Variants in RANBP17 observed in about 807,000 individuals in gnomAD.
RANBP17 encodes ran-binding protein 17.
In RANBP17, 158 loss-of-function variants were observed where a neutral mutation model predicts 141.2. The observed-to-expected ratio is 1.12, with a 90% CI of 0.98 to 1.28. The LOEUF (loss-of-function observed/expected upper bound fraction) is 1.28, where lower values mean the gene tolerates loss of function less well. Among genes scored for constraint, RANBP17 ranks in the 50% most tolerant of loss-of-function variants. The pLI is 0.00. For synonymous variants in RANBP17, 430 were observed against 450.0 expected (o/e 0.96, Z 0.56); for missense variants, 1,438 against 1,290.7 (o/e 1.11, Z -1.75).
intron 18 of RANBP17, among the ~76,000 whole-genome samples, chr5:171,192,637 A>T (rs989281839): frequency 2.2e-4 from 34 of 152,304 alleles, no homozygotes; most frequent in African/African-American, 8.2e-4. Flanking sequence ...GCCTAGAGCA[A>T]TTCCTATCAC....
At chr5:171,081,077 G>A (rs549327754) in intron 14 of RANBP17, among the ~76,000 whole-genome samples, 12 of 152,240 alleles carry the variant, frequency 7.9e-5, no homozygotes, top group East Asian at 3.9e-4. Context: ...CTCTAAGTTC[G>A]TCTGACTAGT....
At chr5:170,932,620 G>A (rs937555001) in intron 12 of RANBP17, among the ~76,000 whole-genome samples, 1 of 151,992 alleles carries the variant, frequency 6.6e-6, no homozygotes, top group African/African-American at 2.4e-5. Flanking sequence ...TAGCATGAAG[G>A]GCTGTTGAAT....
intron 14 of RANBP17, among the ~76,000 whole-genome samples, chr5:171,011,069 A>G (rs916684598): frequency 6.6e-6 from 1 of 152,100 alleles, no homozygotes; most frequent in Non-Finnish European, 1.5e-5. Flanking sequence ...GTCTAATCTA[A>G]CTAATACAAA....
At chr5:171,113,613 A>G (rs1755403445) in intron 14 of RANBP17, among the ~76,000 whole-genome samples, 1 of 152,158 alleles carries the variant, frequency 6.6e-6, no homozygotes, top group Admixed American at 6.6e-5. Flanking sequence ...AGATAAGGAA[A>G]TTGAGTCCTA....
intron 27 of RANBP17, among the ~76,000 whole-genome samples, chr5:171,298,294 G>GC (rs1232879565): frequency 3.3e-5 from 5 of 152,136 alleles, no homozygotes; most frequent in Non-Finnish European, 4.4e-5. Flanking sequence ...CTAACCCAGT[G>GC]CCCCCTCTTT....
intron 24 of RANBP17, among the ~76,000 whole-genome samples, chr5:171,263,343 TG>T (rs1257390289): frequency 1.3e-5 from 2 of 152,216 alleles, no homozygotes; most frequent in African/African-American, 4.8e-5. Context: ...CATGTGCAAA[TG>T]TTGTCAGCCA....
At chr5:171,203,989 G>A (rs1383254916) in intron 19 of RANBP17, among the ~76,000 whole-genome samples, 1 of 152,142 alleles carries the variant, frequency 6.6e-6, no homozygotes, top group African/African-American at 2.4e-5. Flanking sequence ...TTCCAGGAGT[G>A]TGAAAAGCTG....
intron 5 of RANBP17, chr5:170,896,965 G>A (rs1041279910): frequency 1.1e-5 from 11 of 1,013,422 alleles, no homozygotes; most frequent in East Asian, 3.0e-5. Context: ...TGGCCAGTGC[G>A]AAAACCAGAT....
At chr5:170,999,114 A>G (rs1432725531) in intron 14 of RANBP17, among the ~76,000 whole-genome samples, 1 of 152,054 alleles carries the variant, frequency 6.6e-6, no homozygotes, top group Non-Finnish European at 1.5e-5. Flanking sequence ...TTCCTGATGT[A>G]ATGATTTTAG....
chr5:171,275,446 G>T (rs1473568944), intron 25 of RANBP17, among the ~76,000 whole-genome samples: 2 of 152,082 alleles, frequency 1.3e-5, no homozygotes, highest in African/African-American at 4.8e-5. Context: ...CATTCTTCCT[G>T]TACATAATTA....
At chr5:171,021,446 A>T (rs554315775) in intron 14 of RANBP17, among the ~76,000 whole-genome samples, 1 of 152,054 alleles carries the variant, frequency 6.6e-6, no homozygotes, top group Non-Finnish European at 1.5e-5. Flanking sequence ...ATAGTCCCAT[A>T]TTTCTTGGAG....
intron 25 of RANBP17, among the ~76,000 whole-genome samples, chr5:171,288,502 C>T (rs920086078): frequency 9.9e-5 from 15 of 152,226 alleles, no homozygotes; most frequent in Non-Finnish European, 1.8e-4. Flanking sequence ...CAGTGGCAGC[C>T]AGCAGACTGG....
chr5:171,274,147 T>TGC (rs1491523668), intron 25 of RANBP17, among the ~76,000 whole-genome samples: 1,300 of 122,900 alleles, frequency 0.011, 9 homozygotes, highest in Middle Eastern at 0.024. Flanking sequence ...TGTGTGTGTG[T>TGC]GTGCGCGCGC....
At chr5:171,248,629 C>T (rs1356458512) in intron 24 of RANBP17, among the ~76,000 whole-genome samples, 3 of 152,188 alleles carry the variant, frequency 2.0e-5, no homozygotes, top group Admixed American at 6.5e-5. Context: ...TTGCACCAGC[C>T]AGGGAACTGG....
At chr5:170,940,026 A>G (rs1774201971) in intron 12 of RANBP17, among the ~76,000 whole-genome samples, 1 of 152,244 alleles carries the variant, frequency 6.6e-6, no homozygotes, top group Non-Finnish European at 1.5e-5. Context: ...AGACAATAAA[A>G]AAATGGTAGG....
chr5:171,186,122 C>A (rs1262210588), intron 18 of RANBP17, among the ~76,000 whole-genome samples: 2 of 152,140 alleles, frequency 1.3e-5, no homozygotes, highest in African/African-American at 4.8e-5. Flanking sequence ...TTCAAGTCAC[C>A]ATCAGCATTA....
In RANBP17 at chr5:171,196,589, A is replaced by G. The variant is rs933151071; in HGVS notation, c.2039-3081A>G. On this transcript the variant is annotated intron_variant, in intron 18 of 27. Transcript: ENST00000523189. ...AGTCCATGTTAGACTCAAGACAACAATAGTGCTAATGGCTGTCATTTATTA... is the reference window on the plus strand; with the variant it reads ...AGTCCATGTTAGACTCAAGACAACAGTAGTGCTAATGGCTGTCATTTATTA... Among the ~76,000 whole-genome samples the G allele has an allele frequency of 2.0e-5, 3 of 152,184 alleles. No individual in the cohort carries two copies. The East Asian group carries it at 5.8e-4, about 29-fold the overall frequency.
intron 25 of RANBP17, among the ~76,000 whole-genome samples, chr5:171,290,180 A>G (rs939988718): frequency 1.3e-5 from 2 of 152,162 alleles, no homozygotes; most frequent in East Asian, 3.9e-4. Context: ...CAGCCTGACC[A>G]ACATGGTGAA....
At chr5:171,079,124 A>AT (rs1785111195) in intron 14 of RANBP17, among the ~76,000 whole-genome samples, 1 of 152,176 alleles carries the variant, frequency 6.6e-6, no homozygotes, top group Non-Finnish European at 1.5e-5. Flanking sequence ...AAAGGAGTTG[A>AT]TTCTAACCCT....
Sources: gnomAD v4.1 joint callset for allele counts (sites outside exome capture counted in the v4.1 genomes callset) on GRCh38, gnomAD v4.1.1 for gene constraint, MANE v1.5 for transcripts, NCBI Gene and HGNC (gene_info 2026-07-23, HGNC 2026-07-21) for gene names.